Variants in LRRFIP1 observed in about 807,000 individuals in gnomAD.
The protein encoded by LRRFIP1 is LRR binding FLII interacting protein 1.
A neutral mutation model predicts 104.4 loss-of-function variants in LRRFIP1; 62 were observed. The ratio of observed to expected loss-of-function variants is 0.59; its 90% confidence interval spans 0.48 to 0.73. The LOEUF is 0.73. Ranked by LOEUF, LRRFIP1 falls within the 30% of genes least tolerant of loss-of-function variation. The pLI, the probability that LRRFIP1 is intolerant of heterozygous loss-of-function variation, is 0.00. For synonymous variants in LRRFIP1, 300 were observed against 299.0 expected, an observed-to-expected ratio of 1.00 and a Z score of -0.03; for missense variants, 796 against 824.5, an observed-to-expected ratio of 0.97 and a Z score of 0.42.
intron 6 of LRRFIP1, among the ~76,000 whole-genome samples, chr2:237,722,854 T>C (rs1022036475): frequency 2.0e-5 from 3 of 152,152 alleles, no homozygotes; most frequent in African/African-American, 7.2e-5. Flanking sequence ...GTGCGCTGGG[T>C]TCCCTGGGCT....
At chr2:237,702,620 A>G (rs2093599229) in intron 1 of LRRFIP1, among the ~76,000 whole-genome samples, 1 of 152,188 alleles carries the variant, frequency 6.6e-6, no homozygotes, top group Non-Finnish European at 1.5e-5. Context: ...AGCAGAAAGC[A>G]TGAGTTTTGG....
chr2:237,745,150 C>T (rs927978969), intron 11 of LRRFIP1, among the ~76,000 whole-genome samples: 1 of 152,246 alleles, frequency 6.6e-6, no homozygotes, highest in Non-Finnish European at 1.5e-5. Context: ...CTGCTGCCTG[C>T]GGCTTCTGTC....
chr2:237,666,427 G>T (rs2089261884), intron 1 of LRRFIP1, among the ~76,000 whole-genome samples: 1 of 152,234 alleles, frequency 6.6e-6, no homozygotes, highest in East Asian at 1.9e-4. Flanking sequence ...GAAACACAGG[G>T]ATCCCAATTT....
intron 6 of LRRFIP1, 103 bp from the exon 7 acceptor site, chr2:237,723,445 A>T: frequency 1.7e-6 from 2 of 1,160,198 alleles, no homozygotes; most frequent in South Asian, 2.6e-5. Flanking sequence ...TTTTGTTAAG[A>T]TTTTAAAGAT....
rs111776070 is a variant in LRRFIP1 at position 237,779,660 on chromosome 2, C to T, written c.*128C>T. 5.4e-4 allele frequency: 424 copies of T among 780,718 alleles called. 1 individual carries two copies. The African/African-American group carries it at 6.0e-3, about 11-fold the overall frequency. 48.4% of individuals were successfully genotyped at this position (780,718 alleles called of 1,614,324 possible). On this transcript the variant is annotated 3_prime_UTR_variant, in exon 24 of 24. Transcript: ENST00000308482. ...GAGACGAAGACCGTGGCGAGCTTGGCGCTTAGGGGCTCCCGTGCCATGGCT... is the reference window on the plus strand; with the variant it reads ...GAGACGAAGACCGTGGCGAGCTTGGTGCTTAGGGGCTCCCGTGCCATGGCT...
rs765450979 is a variant in LRRFIP1 at position 237,720,790 on chromosome 2, C to T, written c.313C>T (p.Arg105Cys). 5.6e-6 allele frequency: 9 copies of T among 1,614,016 alleles called. No homozygotes were observed. Among genetic ancestry groups the T allele is most frequent in the South Asian group, 2.2e-5 (2 of 91,082 alleles). ...RNTSASDEDE[R>C]MSVGSRGSLR... ...TTAATAGGCTTCTGATGAAGACGAG[C>T]GCATGTCAGTGGGTAGTCGTGGAAG... The change falls in exon 6 of 24, where the codon CGC (arginine) becomes TGC (cysteine). Residue 105 changes from arginine to cysteine, a missense_variant. By Grantham distance (180) the Arg-to-Cys change is radical (BLOSUM62 -3). Coordinates refer to ENST00000308482, the MANE Select transcript of LRRFIP1 (RefSeq NM_001137550.2).
intron 1 of LRRFIP1, chr2:237,692,172 C>T (rs1423683242): frequency 2.2e-5 from 22 of 1,019,070 alleles, no homozygotes; most frequent in Non-Finnish European, 2.3e-5. Context: ...GGCCGTGGGA[C>T]GGGCGGAGGC....
At chr2:237,772,632 C>T (rs1330872627) in intron 21 of LRRFIP1, 3 of 579,544 alleles carry the variant, frequency 5.2e-6, no homozygotes, top group South Asian at 2.2e-5. Context: ...CTCATAGGCA[C>T]TCTCTTGCCT....
intron 14 of LRRFIP1, among the ~76,000 whole-genome samples, chr2:237,752,468 A>C (rs1439840636): frequency 6.6e-6 from 1 of 152,212 alleles, no homozygotes; most frequent in Non-Finnish European, 1.5e-5. Flanking sequence ...GTCCCACGTG[A>C]AGCAGCTGTC....
intron 2 of LRRFIP1, among the ~76,000 whole-genome samples, chr2:237,710,865 C>A (rs891603156): frequency 3.0e-4 from 45 of 152,178 alleles, no homozygotes; most frequent in African/African-American, 9.9e-4. Context: ...TGGACTCCCA[C>A]GTCTCTGTTG....
At chr2:237,693,417 T>G (rs2092951351) in intron 1 of LRRFIP1, among the ~76,000 whole-genome samples, 1 of 152,016 alleles carries the variant, frequency 6.6e-6, no homozygotes, top group African/African-American at 2.4e-5. Context: ...CAGAGAGAGG[T>G]GTAGAAGTAG....
rs576555916 is a variant in LRRFIP1 at position 237,742,511 on chromosome 2, G to A, written c.633+3202G>A. Among the ~76,000 whole-genome samples the A allele has an allele frequency of 2.6e-5, 4 of 152,344 alleles. No homozygotes were observed. The South Asian group carries it at 6.2e-4, about 24-fold the overall frequency. On this transcript the variant is annotated intron_variant, in intron 11 of 23. Coordinates refer to ENST00000308482, the MANE Select transcript of LRRFIP1 (RefSeq NM_001137550.2). ...TTGATCGTGTCGAGAATAGAAAGAC[G>A]GTGAGCACAGGCAGCATCCCTGGTA... is the stretch of plus-strand genomic sequence containing the variant.
At chr2:237,721,089 C>A in intron 6 of LRRFIP1, 1 of 406,576 alleles carries the variant, frequency 2.5e-6, no homozygotes, top group Non-Finnish European at 4.6e-6. Flanking sequence ...CATCACAAAG[C>A]TCCCAAGCCT....
At chr2:237,646,567 C>T (rs542214423) in intron 1 of LRRFIP1, among the ~76,000 whole-genome samples, 4 of 152,026 alleles carry the variant, frequency 2.6e-5, no homozygotes, top group African/African-American at 9.6e-5. Context: ...ATTTTGAAGC[C>T]CTAACCCCCA....
chr2:237,684,757 T>C (rs2092197716), intron 1 of LRRFIP1, among the ~76,000 whole-genome samples: 1 of 151,978 alleles, frequency 6.6e-6, no homozygotes, highest in East Asian at 1.9e-4. Flanking sequence ...TTTTAGAAGG[T>C]AATTGGTAGA....
intron 6 of LRRFIP1, among the ~76,000 whole-genome samples, chr2:237,722,521 C>G (rs1173302918): frequency 6.6e-6 from 1 of 152,160 alleles, no homozygotes; most frequent in East Asian, 1.9e-4. Context: ...GGACACCACT[C>G]TTTGCCGAGA....
intron 1 of LRRFIP1, among the ~76,000 whole-genome samples, chr2:237,634,061 C>T (rs12052529): frequency 0.25 from 37,667 of 152,036 alleles, 5,008 homozygotes; most frequent in East Asian, 0.43. Flanking sequence ...ATTCTCAGGC[C>T]GTTCCCCACA....
intron 2 of LRRFIP1, among the ~76,000 whole-genome samples, chr2:237,713,853 A>C (rs2094213507): frequency 6.6e-6 from 1 of 152,212 alleles, no homozygotes; most frequent in East Asian, 1.9e-4. Context: ...CTCTTTCTTC[A>C]TTATTTGTGA....
intron 1 of LRRFIP1, among the ~76,000 whole-genome samples, chr2:237,701,382 A>G (rs2093515214): frequency 6.6e-6 from 1 of 152,250 alleles, no homozygotes; most frequent in Non-Finnish European, 1.5e-5. Context: ...ACTGCCTACA[A>G]CACCTCCAGC....
Sources: allele counts gnomAD v4.1 joint callset (sites outside exome capture counted in the v4.1 genomes callset), GRCh38; gene constraint gnomAD v4.1.1; transcripts MANE v1.5; gene names NCBI Gene and HGNC (gene_info 2026-07-23, HGNC 2026-07-21).